HIVEP3: variants seen among roughly 807,000 people sequenced by gnomAD.
HIVEP3 encodes the protein HIVEP zinc finger 3.
Under a neutral mutation model 152.8 loss-of-function variants are expected in HIVEP3, and 49 were observed. The observed-to-expected ratio is 0.32, with a 90% CI of 0.26 to 0.41. HIVEP3 has a LOEUF of 0.41. Among genes scored for constraint, HIVEP3 ranks in the 10% least tolerant of loss-of-function variants. The pLI is 1.00. For missense variants in HIVEP3, 2,790 were observed against 3,103.3 expected, an observed-to-expected ratio of 0.90 and a Z score of 2.40; for synonymous variants, 1,269 against 1,289.0, an observed-to-expected ratio of 0.98 and a Z score of 0.33.
rs531898295 is a variant in HIVEP3 at position 41,765,934 on chromosome 1, G to A, written c.-800-64939C>T. Among the ~76,000 whole-genome samples the A allele has an allele frequency of 3.3e-5, 5 of 152,304 alleles. No individual in the cohort carries two copies. In the East Asian group the frequency reaches 7.7e-4, roughly 24 times the overall value. Reference sequence around the variant, plus strand: ...TGTGCCTGCTCCTTCTTTCTCTCCAGCTGTCTCTCTGAGCCTGCCCTGGCC... The same window carrying A: ...TGTGCCTGCTCCTTCTTTCTCTCCAACTGTCTCTCTGAGCCTGCCCTGGCC... On this transcript the variant is annotated intron_variant, in intron 1 of 8. Coordinates refer to ENST00000372583, the MANE Select transcript of HIVEP3 (RefSeq NM_024503.5).
intron 1 of HIVEP3, among the ~76,000 whole-genome samples, chr1:41,896,406 C>A (rs922261781): frequency 2.0e-5 from 3 of 152,140 alleles, no homozygotes; most frequent in Non-Finnish European, 4.4e-5. Context: ...AAAGACAGAA[C>A]CTTTCCTGTC....
intron 2 of HIVEP3, among the ~76,000 whole-genome samples, chr1:41,683,905 C>T (rs1279471930): frequency 6.6e-6 from 1 of 152,166 alleles, no homozygotes; most frequent in Admixed American, 6.5e-5. Context: ...TGCTGGTGAC[C>T]CTCATAACCC....
At chr1:41,808,797 G>A (rs888506960) in intron 1 of HIVEP3, among the ~76,000 whole-genome samples, 2 of 152,152 alleles carry the variant, frequency 1.3e-5, no homozygotes, top group African/African-American at 2.4e-5. Flanking sequence ...TTATTCAAAC[G>A]GCCCATATGG....
intron 5 of HIVEP3, among the ~76,000 whole-genome samples, chr1:41,541,301 C>T (rs1272772953): frequency 1.3e-5 from 2 of 152,218 alleles, no homozygotes; most frequent in African/African-American, 4.8e-5. Context: ...CTCTAATCCA[C>T]TCTATGGAAA....
intron 1 of HIVEP3, among the ~76,000 whole-genome samples, chr1:41,893,819 AT>A (rs1031583421): frequency 8.8e-5 from 13 of 147,386 alleles, no homozygotes; most frequent in Admixed American, 4.1e-4. Flanking sequence ...TATATAATAC[AT>A]TATATAACAT....
At chr1:41,627,864 C>T (rs569302512) in intron 3 of HIVEP3, among the ~76,000 whole-genome samples, 2 of 152,128 alleles carry the variant, frequency 1.3e-5, no homozygotes, top group East Asian at 3.9e-4. Flanking sequence ...GGCCAGAGAA[C>T]TCCCTCCCTC....
At chr1:41,933,145 T>C (rs1645003630) in intron 1 of HIVEP3, among the ~76,000 whole-genome samples, 1 of 152,096 alleles carries the variant, frequency 6.6e-6, no homozygotes, top group Admixed American at 6.6e-5. Context: ...AGTGTTGTCA[T>C]GTAAAGTATA....
intron 1 of HIVEP3, among the ~76,000 whole-genome samples, chr1:41,794,104 T>C (rs1649849063): frequency 6.6e-6 from 1 of 152,112 alleles, no homozygotes; most frequent in African/African-American, 2.4e-5. Flanking sequence ...GACTGGGTAA[T>C]TTATAAAGGA....
chr1:41,998,426 A>C (rs986620214), intron 1 of HIVEP3, among the ~76,000 whole-genome samples: 2 of 152,186 alleles, frequency 1.3e-5, no homozygotes, highest in African/African-American at 4.8e-5. Flanking sequence ...GGTGAAAATT[A>C]AGCAAAATGA....
intron 5 of HIVEP3, among the ~76,000 whole-genome samples, chr1:41,553,029 C>T (rs912750676): frequency 1.3e-5 from 2 of 152,198 alleles, no homozygotes; most frequent in Non-Finnish European, 2.9e-5. Context: ...TGGTGCAGAC[C>T]TGAGTTCACG....
At chr1:41,942,357 T>C (rs1645050059) in intron 1 of HIVEP3, among the ~76,000 whole-genome samples, 1 of 152,240 alleles carries the variant, frequency 6.6e-6, no homozygotes, top group Non-Finnish European at 1.5e-5. Context: ...TAAGGCCTAC[T>C]GATTTATCCC....
intron 1 of HIVEP3, among the ~76,000 whole-genome samples, chr1:41,818,858 G>A (rs1642497027): frequency 6.6e-6 from 1 of 152,154 alleles, no homozygotes. Flanking sequence ...TCTCCAGGTA[G>A]TTTAAGCATT....
chr1:41,733,211 C>A (rs1014941626), intron 1 of HIVEP3, among the ~76,000 whole-genome samples: 1 of 151,988 alleles, frequency 6.6e-6, no homozygotes, highest in South Asian at 2.1e-4. Flanking sequence ...TGTGCTGAGA[C>A]ATAGTGACAG....
chr1:41,670,095 C>G (rs550649746), intron 2 of HIVEP3, among the ~76,000 whole-genome samples: 1 of 152,294 alleles, frequency 6.6e-6, no homozygotes, highest in Admixed American at 6.5e-5. Flanking sequence ...TCTGTGGACT[C>G]CTAGCACTCA....
chr1:41,665,963 G>C (rs922849978), intron 2 of HIVEP3, among the ~76,000 whole-genome samples: 1 of 152,102 alleles, frequency 6.6e-6, no homozygotes, highest in Non-Finnish European at 1.5e-5. Flanking sequence ...CTTTTAAGGT[G>C]GGGTGGGGCT....
At chr1:41,592,696 A>C (rs1472222887) in intron 3 of HIVEP3, among the ~76,000 whole-genome samples, 2 of 152,230 alleles carry the variant, frequency 1.3e-5, no homozygotes, top group Admixed American at 1.3e-4. Flanking sequence ...GGCCTGAGCT[A>C]TAGTTGCTGA....
intron 1 of HIVEP3, among the ~76,000 whole-genome samples, chr1:41,927,358 T>C (rs139675324): frequency 2.0e-5 from 3 of 151,816 alleles, no homozygotes; most frequent in African/African-American, 7.3e-5. Context: ...TGGGGTGGAG[T>C]TCTCTTGTGG....
At position 41,581,378 on chromosome 1, in the gene HIVEP3, G is replaced by A; in HGVS notation, c.3420C>T (p.Pro1140=). ...QTPLHEKPYL[P]PPVSLFSFQH... is the part of the protein sequence containing the mutation. ...GGAAGGAGAAAAGGGAGACTGGTGG[G>A]GGCAGGTATGGCTTCTCATGCAGGG... Residue 1140 remains proline (P), a synonymous_variant, in exon 4 of 9, where the codon CCC becomes CCT. Transcript: ENST00000372583. The surrounding 1 kb of genome is among the most constrained non-coding windows in gnomAD (Gnocchi z 4.5). 1.2e-6 allele frequency: 2 copies of A among 1,612,450 alleles called. No homozygotes were observed. The highest frequency in any genetic ancestry group is 1.7e-6 in the Non-Finnish European group (2 of 1,179,264).
intron 1 of HIVEP3, among the ~76,000 whole-genome samples, chr1:41,891,365 G>A (rs1644443775): frequency 6.6e-6 from 1 of 152,176 alleles, no homozygotes; most frequent in African/African-American, 2.4e-5. Flanking sequence ...GGGGAATTTT[G>A]AGTTTCAATT....
Sources: gnomAD v4.1 joint callset for allele counts (sites outside exome capture counted in the v4.1 genomes callset) on GRCh38, gnomAD v4.1.1 for gene constraint, Gnocchi (gnomAD v3.1) non-coding constraint, MANE v1.5 for transcripts, NCBI Gene and HGNC (gene_info 2026-07-23, HGNC 2026-07-21) for gene names.